DHRS4L2: variants seen among roughly 807,000 people sequenced by gnomAD.
DHRS4L2 encodes the protein dehydrogenase/reductase SDR family member 4-like 2.
DHRS4L2 carries 22 observed loss-of-function variants against 23.9 expected under a neutral mutation model. That is an observed-to-expected ratio of 0.92 (90% CI 0.66 to 1.31). DHRS4L2 has a LOEUF of 1.31. Among genes scored for constraint, DHRS4L2 ranks in the 40% most tolerant of loss-of-function variants. The pLI, the probability that DHRS4L2 is intolerant of heterozygous loss-of-function variation, is 0.00. For missense variants in DHRS4L2, 385 were observed against 303.3 expected (o/e 1.27, Z -2.00); for synonymous variants, 141 against 123.7 (o/e 1.14, Z -0.93).
chr14:23,969,972 G>T lies in DHRS4L2; in HGVS notation c.-536G>T, dbSNP rs763671080. ...ACGCAACCGCCACTGTCTGGAGCGG[G>T]CTCGCCTCTGCGGCAGCCCTCACCG... On this transcript the variant is annotated 5_prime_UTR_variant, in exon 1 of 6. Coordinates refer to the DHRS4L2 transcript ENST00000534993. 3.5e-4 allele frequency: 161 copies of T among 454,480 alleles called. 1 individual carries two copies. The highest frequency in any genetic ancestry group is 3.5e-4 in the Admixed American group (15 of 42,556). 28.2% of individuals were successfully genotyped at this position (454,480 alleles called of 1,614,324 possible).
At chr14:23,974,115 C>A (rs2033920428) in intron 1 of DHRS4L2, among the ~76,000 whole-genome samples, 1 of 151,848 alleles carries the variant, frequency 6.6e-6, no homozygotes, top group Admixed American at 6.6e-5. Flanking sequence ...TGCACAACTA[C>A]ATGGAAACTG....
upstream of DHRS4L2, among the ~76,000 whole-genome samples, chr14:23,985,229 G>C (rs1348602588): frequency 6.6e-6 from 1 of 151,476 alleles, no homozygotes; most frequent in Non-Finnish European, 1.5e-5. Flanking sequence ...ATGCTGAGTT[G>C]GTCACGACCC....
At chr14:23,999,350 A>G (rs572198733) in intron 3 of DHRS4L2, among the ~76,000 whole-genome samples, 4 of 106,816 alleles carry the variant, frequency 3.7e-5, no homozygotes, top group African/African-American at 2.5e-4. Flanking sequence ...TTTGTAAAAA[A>G]AAAAAAAAAA....
In DHRS4L2 at chr14:24,001,016, CTCTCT is replaced by C. The variant is rs1200182067; in HGVS notation, c.480-13_480-9del. ...TGGTCCACACTGGGAAGACGGTCAG[CTCTCT>C]TCTTTTTCCAGAGGCGGCTCAGTGG... On this transcript the variant is annotated splice_polypyrimidine_tract_variant and intron_variant, in intron 4 of 7. Transcript: ENST00000335125. 1 of 1,611,448 alleles carries C rather than the reference CTCTCT, an allele frequency of 6.2e-7. No individual in the cohort carries two copies. The highest frequency in any genetic ancestry group is 8.5e-7 in the Non-Finnish European group (1 of 1,179,512).
intron 1 of DHRS4L2, among the ~76,000 whole-genome samples, chr14:23,970,562 C>G (rs1489444210): frequency 5.9e-5 from 9 of 152,082 alleles, no homozygotes; most frequent in Admixed American, 2.6e-4. Flanking sequence ...CAAAAGGCAG[C>G]GGACAGCTTC....
At chr14:23,998,988 CACTT>C (rs1314442108) in intron 3 of DHRS4L2, among the ~76,000 whole-genome samples, 3 of 149,334 alleles carry the variant, frequency 2.0e-5, no homozygotes, top group Admixed American at 2.0e-4. Flanking sequence ...TTTGCTTAAA[CACTT>C]ACAAGCCATT....
intron 3 of DHRS4L2, among the ~76,000 whole-genome samples, chr14:23,996,841 C>T (rs1202038603): frequency 1.3e-5 from 2 of 151,888 alleles, no homozygotes; most frequent in African/African-American, 4.8e-5. Flanking sequence ...CACTGTGTTG[C>T]TCAGGCTGGT....
At chr14:23,992,282 G>A (rs1194383462) in intron 2 of DHRS4L2, among the ~76,000 whole-genome samples, 1 of 151,478 alleles carries the variant, frequency 6.6e-6, no homozygotes, top group African/African-American at 2.4e-5. Context: ...TGGAATAGAT[G>A]TGCCCAAGAG....
At position 23,978,175 on chromosome 14, in the gene DHRS4L2, C is replaced by T. The variant is rs148720201; in HGVS notation, c.-176+7843C>T. On this transcript the variant is annotated intron_variant, in intron 1 of 5. Transcript: ENST00000534993. ...CCATCAATTTAAAACTTTGGCCCAG[C>T]GTACAAATGTATTTGTACCAAACAC... is the stretch of plus-strand genomic sequence containing the variant. Among the ~76,000 whole-genome samples, 1,466 of 151,380 alleles carry T rather than the reference C, an allele frequency of 9.7e-3. 74 individuals carry two copies. The highest frequency in any genetic ancestry group is 0.034 in the African/African-American group (1,382 of 41,010).
chr14:23,972,174 T>C (rs7153857), intron 1 of DHRS4L2, among the ~76,000 whole-genome samples: 27,313 of 151,982 alleles, frequency 0.18, 3,232 homozygotes, highest in East Asian at 0.33. Flanking sequence ...AGAATGAAGC[T>C]GCGGACCCTC....
At chr14:23,991,369 T>G (rs1278925736) in intron 2 of DHRS4L2, among the ~76,000 whole-genome samples, 1 of 151,750 alleles carries the variant, frequency 6.6e-6, no homozygotes, top group Non-Finnish European at 1.5e-5. Flanking sequence ...GATTGGGGCC[T>G]TGATCCTGAT....
chr14:23,988,350 G>A (rs1463987725), upstream of DHRS4L2, among the ~76,000 whole-genome samples: 1 of 147,886 alleles, frequency 6.8e-6, no homozygotes, highest in Non-Finnish European at 1.5e-5. Context: ...GCCCTCCAAG[G>A]GCCCGTGAAG....
At chr14:23,973,259 G>T (rs914128841) in intron 1 of DHRS4L2, among the ~76,000 whole-genome samples, 9 of 151,942 alleles carry the variant, frequency 5.9e-5, no homozygotes, top group African/African-American at 1.9e-4. Flanking sequence ...AAGGGCAGAG[G>T]TCCCTGTGGC....
chr14:24,004,269 T>TAA lies in DHRS4L2; in HGVS notation c.666-50_666-49dup, dbSNP rs750912070. On this transcript the variant is annotated intron_variant, in intron 6 of 7. Coordinates refer to ENST00000335125, the MANE Select transcript of DHRS4L2 (RefSeq NM_198083.4). The stretch of plus-strand genomic sequence containing the variant: ...GGGCAAAAGAGCAAGACTCCGTCTC[T>TAA]AAAAAAAAAAAAAAAAAAAGAAAGG... The TAA allele has an allele frequency of 7.2e-3, 9,514 of 1,313,986 alleles. 3 individuals carry two copies. The highest frequency in any genetic ancestry group is 0.018 in the East Asian group (616 of 34,360). The allele number at this position is 1,313,986 out of a possible 1,614,324, so 81.4% of individuals were successfully genotyped here. A position where few individuals can be genotyped will look rare whatever the true frequency, so the allele number is the denominator to read the frequency against.
At chr14:23,997,985 A>C (rs1351662264) in intron 3 of DHRS4L2, among the ~76,000 whole-genome samples, 1 of 151,804 alleles carries the variant, frequency 6.6e-6, no homozygotes, top group Admixed American at 6.6e-5. Flanking sequence ...CTTAAATAAT[A>C]AGTCTTGGAA....
chr14:24,004,442 T>C (rs763453599), intron 7 of DHRS4L2, 50 bp downstream of exon 7: 2 of 1,581,458 alleles, frequency 1.3e-6, no homozygotes, highest in South Asian at 2.3e-5. Flanking sequence ...GATGGGAAGG[T>C]CTGGTCCCTA....
At chr14:23,979,344 G>A (rs2034021116) in intron 1 of DHRS4L2, among the ~76,000 whole-genome samples, 2 of 119,758 alleles carry the variant, frequency 1.7e-5, no homozygotes, top group South Asian at 3.2e-4. Flanking sequence ...AATAGCAATG[G>A]GAGACGTTAA....
In DHRS4L2 at chr14:23,981,450, C is replaced by G. The variant is rs1432747772; in HGVS notation, c.-175-8732C>G. Among the ~76,000 whole-genome samples the G allele has an allele frequency of 3.3e-5, 5 of 151,748 alleles. 1 individual carries two copies. The highest frequency in any genetic ancestry group is 4.2e-4 in the South Asian group (2 of 4,808). Reference sequence around the variant, plus strand: ...ACTTTCTTCACAAAATTGGAAAAAACTACTTTAAATTTCATATGGAACCAA... The same window carrying G: ...ACTTTCTTCACAAAATTGGAAAAAAGTACTTTAAATTTCATATGGAACCAA... On this transcript the variant is annotated intron_variant, in intron 1 of 5. Coordinates refer to the DHRS4L2 transcript ENST00000534993.
chr14:24,006,082 C>G lies in DHRS4L2; in HGVS notation c.*219C>G. On this transcript the variant is annotated 3_prime_UTR_variant, in exon 8 of 8. Transcript: ENST00000335125. ...GCATTCACCCACTGGCCTTTCCCAC[C>G]TCTGCTCACCTTACTGTTCACCTCA... The G allele has an allele frequency of 9.1e-6, 14 of 1,531,262 alleles. No homozygotes were observed. Among genetic ancestry groups the G allele is most frequent in the South Asian group, 1.2e-5 (1 of 80,934 alleles). The allele number at this position is 1,531,262 out of a possible 1,614,324, so 94.9% of individuals were successfully genotyped here. A position where few individuals can be genotyped will look rare whatever the true frequency, so the allele number is the denominator to read the frequency against.
Sources: gnomAD v4.1 joint callset for allele counts (sites outside exome capture counted in the v4.1 genomes callset) on GRCh38, gnomAD v4.1.1 for gene constraint, MANE v1.5 for transcripts, NCBI Gene and HGNC (gene_info 2026-07-23, HGNC 2026-07-21) for gene names.